The following ARHGAP24 variants were observed in gnomAD, a reference collection of about 807,000 sequenced individuals.
ARHGAP24 encodes the protein rho GTPase-activating protein 24.
Under a neutral mutation model 76.4 loss-of-function variants are expected in ARHGAP24, and 50 were observed. The ratio of observed to expected loss-of-function variants is 0.65; its 90% CI spans 0.52 to 0.83. ARHGAP24 has a LOEUF of 0.83. Ranked by LOEUF, ARHGAP24 falls within the 40% of genes least tolerant of loss-of-function variation. The probability of loss-of-function intolerance (pLI) is 0.00; values close to 1 mark genes in which losing one functional copy is unlikely to be tolerated. For missense variants in ARHGAP24, 930 were observed against 914.2 expected (o/e 1.02, Z -0.22); for synonymous variants, 345 against 323.3 (o/e 1.07, Z -0.72).
In ARHGAP24 at chr4:85,995,027, A is replaced by T. The variant is rs760771816; in HGVS notation, c.1373A>T (p.Gln458Leu). The T allele has an allele frequency of 1.9e-6, 3 of 1,614,006 alleles. No homozygotes were observed. The highest frequency in any genetic ancestry group is 2.5e-6 in the Non-Finnish European group (3 of 1,180,038). The change falls in exon 9 of 10, where the codon CAG becomes CTG. Residue 458 changes from glutamine (Q) to leucine (L), a missense_variant. Coordinates refer to ENST00000395184, the MANE Select transcript of ARHGAP24 (RefSeq NM_001025616.3). ...CAAACCACCCCCAATGGGAGCCTACAGGCCAGAAGGAGCTCTTCACTGAAG... is the reference window on the plus strand; with the variant it reads ...CAAACCACCCCCAATGGGAGCCTACTGGCCAGAAGGAGCTCTTCACTGAAG... ...KTQTTPNGSL[Q>L]ARRSSSLKVS...
chr4:85,771,847 C>G (rs1316683170), intron 3 of ARHGAP24, among the ~76,000 whole-genome samples: 1 of 152,024 alleles, frequency 6.6e-6, no homozygotes, highest in Non-Finnish European at 1.5e-5. Flanking sequence ...GTATGTGGGA[C>G]TACGGGTGCG....
At chr4:85,949,818 G>C (rs1215620834) in intron 5 of ARHGAP24, among the ~76,000 whole-genome samples, 1 of 152,156 alleles carries the variant, frequency 6.6e-6, no homozygotes, top group South Asian at 2.1e-4. Flanking sequence ...TCACGTCTGT[G>C]AACAATCTAC....
intron 3 of ARHGAP24, among the ~76,000 whole-genome samples, chr4:85,831,576 A>G (rs936933591): frequency 6.6e-6 from 1 of 152,134 alleles, no homozygotes; most frequent in African/African-American, 2.4e-5. Context: ...AGAACACACC[A>G]ATGTGTTCAG....
chr4:85,732,994 G>A lies in ARHGAP24; in HGVS notation c.268+11022G>A, dbSNP rs185892340. ...ATTACAGGCGTGAGCCACCGCGCCC[G>A]ACCTCAAACTTCTATATTACATTCA... On this transcript the variant is annotated intron_variant, in intron 3 of 9. Transcript: ENST00000395184. Among the ~76,000 whole-genome samples the A allele has an allele frequency of 7.0e-5, 10 of 142,218 alleles. No homozygotes were observed. In the South Asian group the frequency reaches 1.6e-3, roughly 23 times the overall value. 93.3% of individuals were successfully genotyped at this position (142,218 alleles called of 152,430 possible).
intron 1 of ARHGAP24, among the ~76,000 whole-genome samples, chr4:85,487,391 T>A (rs1276429271): frequency 1.8e-5 from 2 of 114,074 alleles, no homozygotes; most frequent in East Asian, 4.7e-4. Flanking sequence ...ATATATTATA[T>A]AAACATGTAA....
At chr4:85,556,391 T>G (rs1490844842) in intron 1 of ARHGAP24, among the ~76,000 whole-genome samples, 1 of 152,038 alleles carries the variant, frequency 6.6e-6, no homozygotes. Context: ...CCCTGCCTGG[T>G]GAAGAGTGGG....
chr4:85,917,667 T>C (rs1191057521), intron 3 of ARHGAP24, among the ~76,000 whole-genome samples: 2 of 152,222 alleles, frequency 1.3e-5, no homozygotes, highest in East Asian at 3.8e-4. Flanking sequence ...TGGCCAGTGA[T>C]GTTGGCATTT....
At chr4:85,763,090 A>G (rs893585085) in intron 3 of ARHGAP24, among the ~76,000 whole-genome samples, 6 of 152,168 alleles carry the variant, frequency 3.9e-5, no homozygotes, top group Non-Finnish European at 7.4e-5. Context: ...TTTTGGATAT[A>G]TATCCACTGC....
chr4:85,599,002 T>C (rs1049851003), intron 2 of ARHGAP24, among the ~76,000 whole-genome samples: 1 of 152,108 alleles, frequency 6.6e-6, no homozygotes, highest in Admixed American at 6.6e-5. Flanking sequence ...TTAATTTACT[T>C]TTTGTACTGA....
rs540281345 is a variant in ARHGAP24 at position 85,946,507 on chromosome 4, G to A, written c.599+4234G>A. ...CTCCCTCTCCTCTCTTGTATGCCCA[G>A]TATCTGTTGTTCCCATTTTTATGTC... On this transcript the variant is annotated intron_variant, in intron 5 of 9. Transcript: ENST00000395184. Among the ~76,000 whole-genome samples, 4 of 152,200 alleles carry A rather than the reference G, an allele frequency of 2.6e-5. No individual in the cohort carries two copies. In the South Asian group the frequency reaches 8.3e-4, roughly 32 times the overall value.
chr4:85,868,473 G>A (rs1436479336), intron 3 of ARHGAP24, among the ~76,000 whole-genome samples: 1 of 152,068 alleles, frequency 6.6e-6, no homozygotes, highest in Non-Finnish European at 1.5e-5. Context: ...AGCTTTGCAG[G>A]GCCGTTTCTC....
At chr4:85,736,514 G>T (rs1004207414) in intron 3 of ARHGAP24, among the ~76,000 whole-genome samples, 5 of 152,126 alleles carry the variant, frequency 3.3e-5, no homozygotes, top group African/African-American at 1.2e-4. Flanking sequence ...GTTTGGTTAA[G>T]TTAATCAAAC....
At chr4:85,507,473 A>C (rs1037927148) in intron 1 of ARHGAP24, among the ~76,000 whole-genome samples, 8 of 152,202 alleles carry the variant, frequency 5.3e-5, no homozygotes, top group African/African-American at 1.9e-4. Flanking sequence ...CCTAGCTTAT[A>C]GTAGGTATTT....
chr4:85,756,800 G>C (rs1393402108), intron 3 of ARHGAP24, among the ~76,000 whole-genome samples: 1 of 152,114 alleles, frequency 6.6e-6, no homozygotes, highest in African/African-American at 2.4e-5. Context: ...CTCAGGAGCT[G>C]GTTTATTGAT....
intron 1 of ARHGAP24, among the ~76,000 whole-genome samples, chr4:85,545,433 G>C (rs961087376): frequency 6.6e-6 from 1 of 152,144 alleles, no homozygotes; most frequent in Non-Finnish European, 1.5e-5. Context: ...AAAGTACTAT[G>C]TCACTTTCAT....
At chr4:85,627,662 C>G (rs1475473428) in intron 2 of ARHGAP24, among the ~76,000 whole-genome samples, 1 of 152,210 alleles carries the variant, frequency 6.6e-6, no homozygotes, top group African/African-American at 2.4e-5. Context: ...TGCCCTGCCC[C>G]CAGAAGTGGA....
chr4:85,837,144 G>A (rs1376386525), intron 3 of ARHGAP24, among the ~76,000 whole-genome samples: 2 of 152,216 alleles, frequency 1.3e-5, no homozygotes, highest in African/African-American at 2.4e-5. Context: ...TTCCCTTGCT[G>A]TAGAGCATCC....
At chr4:85,537,411 T>C (rs1013935436) in intron 1 of ARHGAP24, among the ~76,000 whole-genome samples, 1 of 152,172 alleles carries the variant, frequency 6.6e-6, no homozygotes, top group Non-Finnish European at 1.5e-5. Flanking sequence ...AAGGTCTATA[T>C]TTTGAGCAGT....
At chr4:85,828,234 G>A (rs1022702729) in intron 3 of ARHGAP24, among the ~76,000 whole-genome samples, 8 of 152,106 alleles carry the variant, frequency 5.3e-5, no homozygotes, top group East Asian at 1.9e-4. Flanking sequence ...GGATTCTTTC[G>A]TTAATCGCTG....
Sources: gnomAD v4.1 joint callset for allele counts (sites outside exome capture counted in the v4.1 genomes callset) on GRCh38, gnomAD v4.1.1 for gene constraint, MANE v1.5 for transcripts, NCBI Gene and HGNC (gene_info 2026-07-23, HGNC 2026-07-21) for gene names.